Variants in RAD23B observed in about 807,000 individuals in gnomAD.
The protein encoded by RAD23B is lysine-specific demethylase RAD23B.
In RAD23B, 5 loss-of-function variants were observed where a neutral mutation model predicts 49.1. That is an observed-to-expected ratio of 0.10 (90% CI 0.05 to 0.21). The LOEUF is 0.21. Ranked by LOEUF, RAD23B falls within the 10% of genes least tolerant of loss-of-function variation. RAD23B has a pLI of 1.00. For missense variants in RAD23B, 356 were observed against 486.7 expected (o/e 0.73, Z 2.53); for synonymous variants, 184 against 165.4 (o/e 1.11, Z -0.86).
At chr9:107,294,166 T>C (rs1265275582) in intron 1 of RAD23B, among the ~76,000 whole-genome samples, 1 of 152,224 alleles carries the variant, frequency 6.6e-6, no homozygotes, top group Non-Finnish European at 1.5e-5. Context: ...TTTATGATTG[T>C]CTTCCTTTGG....
intron 1 of RAD23B, 147 bp downstream of exon 1, chr9:107,283,842 T>C: frequency 1.1e-6 from 1 of 926,736 alleles, no homozygotes; most frequent in Non-Finnish European, 1.4e-6. Flanking sequence ...CCTGGCGGCG[T>C]ACAGCGGAGC....
chr9:107,285,043 A>G, intron 1 of RAD23B: 1 of 994,066 alleles, frequency 1.0e-6, no homozygotes, highest in East Asian at 6.1e-5. Context: ...TAATTTTTTA[A>G]GAAACAGCCT....
Position 107,318,953 on chromosome 9 carries a change from C to G in RAD23B, c.681+74C>G. The G allele has an allele frequency of 6.9e-7, 1 of 1,450,420 alleles. No individual in the cohort carries two copies. The highest frequency in any genetic ancestry group is 1.3e-5 in the South Asian group (1 of 78,556). 89.8% of individuals were successfully genotyped at this position (1,450,420 alleles called of 1,614,324 possible). ...TCTCAAAGAAACAGATTTTAAAGGA[C>G]CAGTTCACTTGTCACTGATATATGC... On this transcript the variant is annotated intron_variant, in intron 6 of 9. Transcript: ENST00000358015. The surrounding 1 kb of genome is among the most constrained non-coding windows in gnomAD (Gnocchi z 4.3).
Position 107,300,197 on chromosome 9 carries a change from A to G in RAD23B, c.123A>G (p.Val41=). The G allele has an allele frequency of 6.2e-7, 1 of 1,609,164 alleles. No homozygotes were observed. The highest frequency in any genetic ancestry group is 8.5e-7 in the Non-Finnish European group (1 of 1,177,534). The part of the protein sequence containing the change: ...ESEKGKDAFP[V]AGQKLIYAGK... The stretch of plus-strand genomic sequence containing the variant: ...AAAAGGGGAAAGATGCCTTTCCAGT[A>G]GCAGGTCAAAAATTAATTTATGCAG... The change falls in exon 2 of 10, where the codon GTA becomes GTG. Residue 41 remains valine (V), a synonymous_variant. Coordinates refer to ENST00000358015, the MANE Select transcript of RAD23B (RefSeq NM_002874.5).
At chr9:107,285,279 G>T (rs1015720329) in intron 1 of RAD23B, among the ~76,000 whole-genome samples, 9 of 152,196 alleles carry the variant, frequency 5.9e-5, no homozygotes, top group Non-Finnish European at 1.0e-4. Flanking sequence ...GTTGAAGGGT[G>T]AAAGTTAAAA....
intron 3 of RAD23B, among the ~76,000 whole-genome samples, chr9:107,306,053 A>ATATATATATATATATATATCTATATATC (rs1564245478): frequency 7.7e-5 from 3 of 38,780 alleles, no homozygotes; most frequent in East Asian, 1.9e-3. Flanking sequence ...GTTTATATCT[A>ATATATATATATATATATATCTATATATC]TATATATATA....
intron 1 of RAD23B, among the ~76,000 whole-genome samples, chr9:107,288,291 G>A (rs939711577): frequency 1.3e-5 from 2 of 152,178 alleles, no homozygotes; most frequent in African/African-American, 2.4e-5. Flanking sequence ...GTACTTACTA[G>A]ATGTCAGGCC....
intron 3 of RAD23B, among the ~76,000 whole-genome samples, chr9:107,306,053 A>G (rs1386107896): frequency 2.6e-5 from 1 of 38,780 alleles, no homozygotes; most frequent in East Asian, 1.9e-3. Context: ...GTTTATATCT[A>G]TATATATATA....
intron 1 of RAD23B, among the ~76,000 whole-genome samples, chr9:107,288,414 T>TA (rs1833318527): frequency 6.6e-6 from 1 of 152,214 alleles, no homozygotes; most frequent in Non-Finnish European, 1.5e-5. Context: ...AAGTATTTGA[T>TA]AATACTTCAC....
intron 5 of RAD23B, among the ~76,000 whole-genome samples, chr9:107,317,249 G>T (rs1308480089): frequency 6.6e-6 from 1 of 152,128 alleles, no homozygotes; most frequent in Non-Finnish European, 1.5e-5. Flanking sequence ...AGAATGAAGA[G>T]ATGGGTTTGG....
At chr9:107,302,261 A>ACGCCTGTAATCCC in intron 3 of RAD23B, 147 bp downstream of exon 3, 1 of 1,097,034 alleles carries the variant, frequency 9.1e-7, no homozygotes, top group Non-Finnish European at 1.2e-6. Flanking sequence ...AATTTACCTT[A>ACGCCTGTAATCCC]AGTGAAACAT....
chr9:107,320,195 C>G (rs1827080129), intron 6 of RAD23B, among the ~76,000 whole-genome samples: 1 of 152,192 alleles, frequency 6.6e-6, no homozygotes, highest in Non-Finnish European at 1.5e-5. Context: ...TTTAAATTCA[C>G]TTTTTCATTA....
At chr9:107,304,410 T>TC (rs1232308153) in intron 3 of RAD23B, among the ~76,000 whole-genome samples, 5 of 152,150 alleles carry the variant, frequency 3.3e-5, no homozygotes, top group Non-Finnish European at 7.4e-5. Flanking sequence ...TAACTGAAGA[T>TC]CCAGAATGAT....
chr9:107,308,218 ATTT>A (rs149392767), intron 4 of RAD23B, among the ~76,000 whole-genome samples: 88,983 of 130,854 alleles, frequency 0.68, 29,043 homozygotes, highest in African/African-American at 0.77. Context: ...CATTAACTCC[ATTT>A]TTTTTTTTTT....
At chr9:107,284,180 G>C in intron 1 of RAD23B, 2 of 986,320 alleles carry the variant, frequency 2.0e-6, no homozygotes, top group Non-Finnish European at 2.4e-6. Flanking sequence ...TCCGTTTGCC[G>C]CCGAGAGGTG....
At chr9:107,310,017 A>G (rs920731500) in intron 4 of RAD23B, among the ~76,000 whole-genome samples, 13 of 151,950 alleles carry the variant, frequency 8.6e-5, no homozygotes, top group Admixed American at 8.5e-4. Context: ...AAAATGTATT[A>G]TACAGTAATG....
intron 5 of RAD23B, among the ~76,000 whole-genome samples, chr9:107,315,812 C>T (rs1419495224): frequency 6.6e-6 from 1 of 152,042 alleles, no homozygotes; most frequent in Non-Finnish European, 1.5e-5. Flanking sequence ...CTGTGCTGGC[C>T]TCTCTAGTTC....
At chr9:107,284,325 G>C in intron 1 of RAD23B, 1 of 678,276 alleles carries the variant, frequency 1.5e-6, no homozygotes, top group Non-Finnish European at 1.8e-6. Flanking sequence ...AGGCCTCTTT[G>C]GTGATGGTTT....
chr9:107,305,762 T>C (rs940629620), intron 3 of RAD23B, among the ~76,000 whole-genome samples: 1 of 152,042 alleles, frequency 6.6e-6, no homozygotes, highest in Non-Finnish European at 1.5e-5. Context: ...AAAAATACAG[T>C]ACAACAGAAT....
Sources: allele counts gnomAD v4.1 joint callset (sites outside exome capture counted in the v4.1 genomes callset), GRCh38; gene constraint gnomAD v4.1.1; non-coding constraint Gnocchi (gnomAD v3.1); transcripts MANE v1.5; gene names NCBI Gene and HGNC (gene_info 2026-07-23, HGNC 2026-07-21).